Variants in LIN28B observed in about 807,000 individuals in gnomAD.
LIN28B encodes protein lin-28 homolog B.
Under a neutral mutation model 21.9 loss-of-function variants are expected in LIN28B, and 5 were observed. The observed-to-expected ratio is 0.23, with a 90% CI of 0.12 to 0.48. LIN28B has a LOEUF of 0.48. Ranked by LOEUF, LIN28B falls within the 20% of genes least tolerant of loss-of-function variation. LIN28B has a pLI of 0.98. For missense variants in LIN28B, 245 were observed against 310.5 expected, an observed-to-expected ratio of 0.79 and a Z score of 1.58; for synonymous variants, 109 against 111.3, an observed-to-expected ratio of 0.98 and a Z score of 0.13.
At position 105,050,487 on chromosome 6, in the gene LIN28B, A is replaced by G. The variant is rs955976910; in HGVS notation, c.383+24005A>G. On this transcript the variant is annotated intron_variant, in intron 3 of 3. Coordinates refer to ENST00000345080, the MANE Select transcript of LIN28B (RefSeq NM_001004317.4). ...CGCGGTGGCGGGTGCCTGTAGTCCC[A>G]GCTACTCGGGAGGCTGAGGCAGGAG... Among the ~76,000 whole-genome samples the G allele has an allele frequency of 2.0e-5, 3 of 151,636 alleles. No individual in the cohort carries two copies. The East Asian group carries it at 5.8e-4, about 29-fold the overall frequency.
intron 2 of LIN28B, among the ~76,000 whole-genome samples, chr6:105,023,138 T>G (rs1445165139): frequency 7.3e-6 from 1 of 137,360 alleles, no homozygotes; most frequent in Non-Finnish European, 1.5e-5. Context: ...GCTATTTTGG[T>G]CTAATAGCAA....
intron 3 of LIN28B, among the ~76,000 whole-genome samples, chr6:105,039,384 G>A (rs1482846981): frequency 1.3e-5 from 2 of 152,226 alleles, no homozygotes; most frequent in East Asian, 3.9e-4. Context: ...ATATTCTTAG[G>A]ATGATATGGC....
At chr6:104,981,288 A>G (rs1166351946) in intron 2 of LIN28B, among the ~76,000 whole-genome samples, 1 of 152,160 alleles carries the variant, frequency 6.6e-6, no homozygotes, top group Non-Finnish European at 1.5e-5. Context: ...GGGAATTGAT[A>G]ATCCATGTCT....
Position 104,943,692 on chromosome 6 carries a change from G to GT in LIN28B, c.18+6584dup, listed in dbSNP as rs550743203. The stretch of plus-strand genomic sequence containing the variant: ...TTCTTTTAAAATTCTCAGATACTCA[G>GT]TTTTTTTTGTTTAAATACTTTTGAA... On this transcript the variant is annotated intron_variant, in intron 2 of 5. Transcript: ENST00000635857. Among the ~76,000 whole-genome samples the GT allele has an allele frequency of 6.6e-4, 100 of 151,876 alleles. No individual in the cohort carries two copies. In the East Asian group the frequency reaches 9.5e-3, roughly 14 times the overall value.
intron 2 of LIN28B, among the ~76,000 whole-genome samples, chr6:104,992,961 G>A (rs1770526340): frequency 6.6e-6 from 1 of 152,034 alleles, no homozygotes; most frequent in Non-Finnish European, 1.5e-5. Flanking sequence ...ACTCTCCCAA[G>A]AATCTCATGG....
At chr6:104,985,509 CTT>C (rs1770319715) in intron 2 of LIN28B, among the ~76,000 whole-genome samples, 2 of 152,090 alleles carry the variant, frequency 1.3e-5, no homozygotes, top group African/African-American at 4.8e-5. Context: ...TAGTACATAT[CTT>C]GATATGATAC....
intron 3 of LIN28B, among the ~76,000 whole-genome samples, chr6:105,034,335 TTTTA>T (rs1292757015): frequency 6.6e-6 from 1 of 152,034 alleles, no homozygotes; most frequent in Admixed American, 6.5e-5. Flanking sequence ...ATTCTGCTGC[TTTTA>T]TTTCATTTTG....
intron 2 of LIN28B, among the ~76,000 whole-genome samples, chr6:104,959,751 A>G (rs1435758658): frequency 3.3e-5 from 5 of 152,232 alleles, no homozygotes; most frequent in African/African-American, 7.2e-5. Context: ...GACAAAAATC[A>G]TAGACAAATC....
intron 2 of LIN28B, among the ~76,000 whole-genome samples, chr6:104,993,209 T>C (rs1232893359): frequency 6.6e-6 from 1 of 152,226 alleles, no homozygotes; most frequent in African/African-American, 2.4e-5. Flanking sequence ...TGGTGACTCA[T>C]GTAATCCCAG....
intron 2 of LIN28B, among the ~76,000 whole-genome samples, chr6:104,942,395 C>T (rs1437964730): frequency 2.6e-5 from 4 of 151,958 alleles, no homozygotes; most frequent in African/African-American, 7.2e-5. Flanking sequence ...CACATTTTTA[C>T]GTCCAACAAT....
intron 2 of LIN28B, among the ~76,000 whole-genome samples, chr6:104,941,967 G>A (rs1458509116): frequency 1.3e-5 from 2 of 152,060 alleles, no homozygotes; most frequent in African/African-American, 4.8e-5. Context: ...TAGTAAGTCC[G>A]CCATTTTGAA....
chr6:105,028,073 T>C (rs568528230), intron 3 of LIN28B, among the ~76,000 whole-genome samples: 4 of 152,320 alleles, frequency 2.6e-5, no homozygotes, highest in African/African-American at 9.6e-5. Context: ...CTTAAATACG[T>C]ACAAGTAAAG....
At position 105,078,908 on chromosome 6, in the gene LIN28B, A is replaced by AT. The variant is rs1261380930; in HGVS notation, c.*131dup. The AT allele has an allele frequency of 2.6e-6, 3 of 1,146,266 alleles. No homozygotes were observed. The highest frequency in any genetic ancestry group is 3.2e-5 in the South Asian group (2 of 62,554). The allele number at this position is 1,146,266 out of a possible 1,614,324, so 71.0% of individuals were successfully genotyped here. A position where few individuals can be genotyped will look rare whatever the true frequency, so the allele number is the denominator to read the frequency against. On this transcript the variant is annotated 3_prime_UTR_variant, in exon 4 of 4. Coordinates refer to ENST00000345080, the MANE Select transcript of LIN28B (RefSeq NM_001004317.4). ...TTTAACTACTATTGGGGAACTGTGA[A>AT]TTTTTTAAACAGACAAATCACTCTA...
intron 3 of LIN28B, among the ~76,000 whole-genome samples, chr6:105,033,465 A>G (rs1427297006): frequency 6.6e-6 from 1 of 152,066 alleles, no homozygotes; most frequent in Non-Finnish European, 1.5e-5. Context: ...ATAAAAGAAA[A>G]TGGGATTATT....
chr6:105,061,750 G>T (rs1029001176), intron 3 of LIN28B, among the ~76,000 whole-genome samples: 3 of 152,132 alleles, frequency 2.0e-5, no homozygotes, highest in African/African-American at 7.2e-5. Flanking sequence ...GAAACCCAGA[G>T]AGATTAGGTG....
At chr6:104,938,973 C>T (rs1778047928) in intron 2 of LIN28B, among the ~76,000 whole-genome samples, 1 of 152,052 alleles carries the variant, frequency 6.6e-6, no homozygotes, top group African/African-American at 2.4e-5. Flanking sequence ...CAATTCTTCT[C>T]AGGACTTTAA....
At position 105,081,068 on chromosome 6, in the gene LIN28B, G is replaced by A. The variant is rs887075693; in HGVS notation, c.*2285G>A. On this transcript the variant is annotated 3_prime_UTR_variant, in exon 4 of 4. Coordinates refer to ENST00000345080, the MANE Select transcript of LIN28B (RefSeq NM_001004317.4). ...AACCTATCTTATGGTTGAAAGTTGG[G>A]GTTTATTTTTTATATGAGAATATTA... is the stretch of plus-strand genomic sequence containing the variant. 7 of 152,394 alleles carry A rather than the reference G, an allele frequency of 4.6e-5. No homozygotes were observed. The highest frequency in any genetic ancestry group is 3.3e-4 in the Admixed American group (5 of 15,252). 9.4% of individuals were successfully genotyped at this position (152,394 alleles called of 1,614,324 possible).
intron 2 of LIN28B, among the ~76,000 whole-genome samples, chr6:104,991,280 C>T (rs925508741): frequency 3.3e-5 from 5 of 151,136 alleles, no homozygotes; most frequent in South Asian, 2.1e-4. Context: ...GGTGGAGGGG[C>T]GCCTCACTTC....
intron 2 of LIN28B, among the ~76,000 whole-genome samples, chr6:104,988,608 G>A (rs1159894755): frequency 7.6e-6 from 1 of 132,196 alleles, no homozygotes; most frequent in African/African-American, 2.8e-5. Context: ...AGTCTACTCT[G>A]TCACCCAGGC....
Sources: gnomAD v4.1 joint callset for allele counts (sites outside exome capture counted in the v4.1 genomes callset) on GRCh38, gnomAD v4.1.1 for gene constraint, MANE v1.5 for transcripts, NCBI Gene and HGNC (gene_info 2026-07-23, HGNC 2026-07-21) for gene names.